Variants in FREM3 observed in about 807,000 individuals in gnomAD.
FREM3 encodes the protein FRAS1-related extracellular matrix protein 3.
FREM3 carries 105 observed loss-of-function variants against 129.1 expected under a neutral mutation model. The ratio of observed to expected loss-of-function variants is 0.81; its 90% CI spans 0.69 to 0.96. FREM3 has a LOEUF of 0.96. Among genes scored for constraint, FREM3 ranks in the 40% least tolerant of loss-of-function variants. FREM3 has a pLI of 0.00. For missense variants in FREM3, 2,593 were observed against 2,666.3 expected (o/e 0.97, Z 0.61); for synonymous variants, 1,014 against 1,044.9 (o/e 0.97, Z 0.57).
chr4:143,627,512 C>A (rs115142848), intron 3 of FREM3, 102 bp downstream of exon 3: 12,592 of 1,040,854 alleles, frequency 0.012, 125 homozygotes, highest in Non-Finnish European at 0.016. Context: ...TTCTCCAAAC[C>A]AGTTCTTTAT....
chr4:143,636,226 A>G (rs922209126), intron 2 of FREM3, among the ~76,000 whole-genome samples: 4 of 151,504 alleles, frequency 2.6e-5, no homozygotes, highest in Non-Finnish European at 5.9e-5. Context: ...AAAAAAAAGA[A>G]AGGAAAACAT....
At chr4:143,641,219 C>G (rs1306334724) in intron 2 of FREM3, among the ~76,000 whole-genome samples, 1 of 152,052 alleles carries the variant, frequency 6.6e-6, no homozygotes, top group Admixed American at 6.5e-5. Flanking sequence ...CTTATGTACA[C>G]AGTGTACTCA....
intron 6 of FREM3, among the ~76,000 whole-genome samples, chr4:143,601,330 C>T (rs1738568496): frequency 6.6e-6 from 1 of 152,042 alleles, no homozygotes; most frequent in Admixed American, 6.6e-5. Context: ...TGTTAGATGC[C>T]CATTTAATGA....
rs1388006447 is a variant in FREM3 at position 143,697,732 on chromosome 4, A to G, written c.2944T>C (p.Leu982=). The change falls in exon 1 of 8, where the codon TTG becomes CTG. Residue 982 remains leucine (L), a synonymous_variant. Coordinates refer to ENST00000329798, the MANE Select transcript of FREM3 (RefSeq NM_001168235.2). ...TCCTTTACAATGAAAGACAGCATCAAGTCACCTACATCCTTCCTTTTGCCA... is the reference window on the plus strand; with the variant it reads ...TCCTTTACAATGAAAGACAGCATCAGGTCACCTACATCCTTCCTTTTGCCA... ...IHGKRKDVGD[L]MLSFIVKDSP... The G allele has an allele frequency of 3.3e-6, 5 of 1,537,566 alleles. No individual in the cohort carries two copies. The highest frequency in any genetic ancestry group is 4.4e-6 in the Non-Finnish European group (5 of 1,147,012).
intron 2 of FREM3, among the ~76,000 whole-genome samples, chr4:143,634,956 C>T (rs542843809): frequency 4.1e-4 from 62 of 152,242 alleles, no homozygotes; most frequent in African/African-American, 1.4e-3. Context: ...AACTTCCTCC[C>T]TCAGACCTAG....
Position 143,595,737 on chromosome 4 carries a change from A to G in FREM3, c.6029-9744T>C, listed in dbSNP as rs139088416. Among the ~76,000 whole-genome samples the G allele has an allele frequency of 6.2e-3, 940 of 152,176 alleles. 9 individuals carry two copies. The highest frequency in any genetic ancestry group is 0.021 in the African/African-American group (892 of 41,506). On this transcript the variant is annotated intron_variant, in intron 6 of 7. Transcript: ENST00000329798. The stretch of plus-strand genomic sequence containing the variant: ...CCCGTCTCTACTAAAAATACAAAAA[A>G]ATTAGCCAGGTGTGGTGGCAGGCTC...
At chr4:143,695,464 A>G (rs2149863767) in intron 1 of FREM3, 27 bp downstream of exon 1, 1 of 1,509,762 alleles carries the variant, frequency 6.6e-7, no homozygotes, top group East Asian at 2.5e-5. Flanking sequence ...AGAGGGACAG[A>G]ATAGGCAGGG....
intron 2 of FREM3, among the ~76,000 whole-genome samples, chr4:143,631,915 A>G (rs1201808211): frequency 6.6e-6 from 1 of 152,124 alleles, no homozygotes; most frequent in African/African-American, 2.4e-5. Context: ...AAGATTTCTG[A>G]TTGTCAAAAT....
At chr4:143,602,968 C>T (rs897236717) in intron 6 of FREM3, among the ~76,000 whole-genome samples, 1 of 152,146 alleles carries the variant, frequency 6.6e-6, no homozygotes, top group Admixed American at 6.5e-5. Flanking sequence ...CTGTTATTGG[C>T]TTGATGGGAT....
At chr4:143,591,704 A>G (rs1738366292) in intron 6 of FREM3, among the ~76,000 whole-genome samples, 1 of 152,168 alleles carries the variant, frequency 6.6e-6, no homozygotes, top group African/African-American at 2.4e-5. Flanking sequence ...TGCTGAAAAG[A>G]ATGTATATTC....
chr4:143,603,475 G>A (rs932855064), intron 6 of FREM3, among the ~76,000 whole-genome samples: 28 of 152,182 alleles, frequency 1.8e-4, no homozygotes, highest in African/African-American at 5.5e-4. Flanking sequence ...ATGACCTCAC[G>A]TGTGAAATGC....
At chr4:143,640,121 G>A (rs1442473763) in intron 2 of FREM3, among the ~76,000 whole-genome samples, 3 of 152,140 alleles carry the variant, frequency 2.0e-5, no homozygotes, top group Non-Finnish European at 2.9e-5. Context: ...GTAATGGTTT[G>A]TCTCTGCTAC....
chr4:143,599,849 T>C (rs1738542928), intron 6 of FREM3, among the ~76,000 whole-genome samples: 1 of 152,180 alleles, frequency 6.6e-6, no homozygotes, highest in African/African-American at 2.4e-5. Flanking sequence ...TTGTTGATAC[T>C]AGCGCAGGAT....
At chr4:143,684,854 G>A (rs1395596709) in intron 2 of FREM3, among the ~76,000 whole-genome samples, 5 of 152,148 alleles carry the variant, frequency 3.3e-5, no homozygotes, top group African/African-American at 1.2e-4. Context: ...TTTTAGAAAT[G>A]TGAAATGCTC....
At position 143,685,470 on chromosome 4, in the gene FREM3, GC is replaced by G. The variant is rs559894076; in HGVS notation, c.5275+7642del. Among the ~76,000 whole-genome samples, 311 of 152,188 alleles carry G rather than the reference GC, an allele frequency of 2.0e-3. 2 individuals are homozygous for G. The highest frequency in any genetic ancestry group is 7.3e-3 in the African/African-American group (304 of 41,516). On this transcript the variant is annotated intron_variant, in intron 2 of 7. Transcript: ENST00000329798. The stretch of plus-strand genomic sequence containing the variant: ...TGCTGAGGGAATTTATCATTACCAA[GC>G]CACCACTACAGGAACTGCTAAAAGT...
intron 6 of FREM3, among the ~76,000 whole-genome samples, chr4:143,592,699 G>A (rs1738388821): frequency 1.3e-5 from 2 of 152,142 alleles, no homozygotes; most frequent in Non-Finnish European, 2.9e-5. Context: ...CAACTTTGGT[G>A]AATCTGACAA....
chr4:143,614,789 G>A (rs964476464), intron 5 of FREM3, among the ~76,000 whole-genome samples: 2 of 152,182 alleles, frequency 1.3e-5, no homozygotes, highest in Non-Finnish European at 2.9e-5. Flanking sequence ...GATTTTTGTT[G>A]TATTAATATT....
intron 2 of FREM3, among the ~76,000 whole-genome samples, chr4:143,684,660 CCT>C (rs1400459019): frequency 1.3e-5 from 2 of 152,128 alleles, no homozygotes; most frequent in Non-Finnish European, 2.9e-5. Context: ...AGAAGAAATC[CCT>C]GATTTACCTG....
rs768261153 is a variant in FREM3 at position 143,611,242 on chromosome 4, C to T, written c.6028+37G>A. On this transcript the variant is annotated intron_variant, in intron 6 of 7. Transcript: ENST00000329798. ...GTTGGAGGAAAGTGTGAGAAGGCAG[C>T]TATTGCCAAAGGTTGGAAAGCAACA... 5.9e-6 allele frequency: 9 copies of T among 1,513,878 alleles called. No individual in the cohort carries two copies. In the South Asian group the frequency reaches 9.8e-5, roughly 16 times the overall value. The allele number at this position is 1,513,878 out of a possible 1,614,324, so 93.8% of individuals were successfully genotyped here. A position where few individuals can be genotyped will look rare whatever the true frequency, so the allele number is the denominator to read the frequency against.
Sources: gnomAD v4.1 joint callset for allele counts (sites outside exome capture counted in the v4.1 genomes callset) on GRCh38, gnomAD v4.1.1 for gene constraint, MANE v1.5 for transcripts, NCBI Gene and HGNC (gene_info 2026-07-23, HGNC 2026-07-21) for gene names.